Variants in KCNK2 observed in about 807,000 individuals in gnomAD.
KCNK2 encodes potassium two pore domain channel subfamily K member 2.
Under a neutral mutation model 40.5 loss-of-function variants are expected in KCNK2, and 21 were observed. The observed-to-expected ratio is 0.52, with a 90% CI of 0.37 to 0.75. The LOEUF is 0.75. Ranked by LOEUF, KCNK2 falls within the 30% of genes least tolerant of loss-of-function variation. The probability of loss-of-function intolerance (pLI) is 0.00; values close to 1 mark genes in which losing one functional copy is unlikely to be tolerated. For missense variants in KCNK2, 399 were observed against 531.6 expected, an observed-to-expected ratio of 0.75 and a Z score of 2.45; for synonymous variants, 191 against 202.2, an observed-to-expected ratio of 0.94 and a Z score of 0.47.
At chr1:215,018,917 C>T (rs1046508877) in intron 1 of KCNK2, among the ~76,000 whole-genome samples, 1 of 151,986 alleles carries the variant, frequency 6.6e-6, no homozygotes, top group Non-Finnish European at 1.5e-5. Context: ...GAGCTCAGGG[C>T]CACTGCAGGT....
chr1:215,166,567 G>T (rs10779650), intron 3 of KCNK2, among the ~76,000 whole-genome samples: 1 of 151,784 alleles, frequency 6.6e-6, no homozygotes, highest in African/African-American at 2.4e-5. Context: ...AAACAGTAAG[G>T]CAGCTGTACA....
chr1:215,108,270 G>C (rs1236180623), intron 2 of KCNK2, among the ~76,000 whole-genome samples: 1 of 152,088 alleles, frequency 6.6e-6, no homozygotes, highest in African/African-American at 2.4e-5. Context: ...GGGGACCCCT[G>C]TTATAAGTAA....
chr1:215,222,029 A>G (rs1187891777), intron 6 of KCNK2, among the ~76,000 whole-genome samples: 1 of 152,144 alleles, frequency 6.6e-6, no homozygotes, highest in East Asian at 1.9e-4. Context: ...TCACATGGCA[A>G]AAGCAGGAGC....
At position 215,124,680 on chromosome 1, in the gene KCNK2, C is replaced by G. The variant is rs779188699; in HGVS notation, c.405C>G (p.Thr135=). The change falls in exon 3 of 7, where the codon ACC becomes ACG. Residue 135 remains threonine, a synonymous_variant. Coordinates refer to ENST00000444842, the MANE Select transcript of KCNK2 (RefSeq NM_001017425.3). ...INAGIIPLGN[T]SNQISHWDLG... ...CAGGGATTATACCGTTAGGAAACACCTCCAATCAAATCAGTCACTGGGATT... is the reference window on the plus strand; with the variant it reads ...CAGGGATTATACCGTTAGGAAACACGTCCAATCAAATCAGTCACTGGGATT... 2 of 1,613,058 alleles carry G rather than the reference C, an allele frequency of 1.2e-6. No homozygotes were observed. The highest frequency in any genetic ancestry group is 1.7e-6 in the Non-Finnish European group (2 of 1,179,262).
In KCNK2 at chr1:215,230,542, TAC is replaced by T. The variant is rs1400355059; in HGVS notation, c.964-4278_964-4277del. ...ATATATATATATATATGTATATATA[TAC>T]ACACACATAACAGCCATATATATAT... is the stretch of plus-strand genomic sequence containing the variant. On this transcript the variant is annotated intron_variant, in intron 6 of 6. Transcript: ENST00000444842. Among the ~76,000 whole-genome samples, 115 of 87,422 alleles carry T rather than the reference TAC, an allele frequency of 1.3e-3. 1 individual carries two copies. Among genetic ancestry groups the T allele is most frequent in the African/African-American group, 5.5e-3 (111 of 20,344 alleles). 57.4% of individuals were successfully genotyped at this position (87,422 alleles called of 152,430 possible). A position where few individuals can be genotyped will look rare whatever the true frequency, so the allele number is the denominator to read the frequency against.
chr1:215,027,505 G>T (rs565046611), intron 1 of KCNK2, among the ~76,000 whole-genome samples: 1 of 152,176 alleles, frequency 6.6e-6, no homozygotes, highest in South Asian at 2.1e-4. Context: ...GAGATATTCT[G>T]GAATTTGCTG....
chr1:215,055,508 C>A (rs1658128013), intron 1 of KCNK2, among the ~76,000 whole-genome samples: 1 of 152,160 alleles, frequency 6.6e-6, no homozygotes, highest in African/African-American at 2.4e-5. Flanking sequence ...AGGAAAGGAA[C>A]CTGCTTTTCT....
rs1282838313 is a variant in KCNK2 at position 215,083,531 on chromosome 1, C to T, written c.46+100C>T. 11 of 876,178 alleles carry T rather than the reference C, an allele frequency of 1.3e-5. No homozygotes were observed. The African/African-American group carries it at 1.7e-4, about 13-fold the overall frequency. The allele number at this position is 876,178 out of a possible 1,614,324, so 54.3% of individuals were successfully genotyped here. A position where few individuals can be genotyped will look rare whatever the true frequency, so the allele number is the denominator to read the frequency against. On this transcript the variant is annotated intron_variant, in intron 1 of 6. Coordinates refer to ENST00000444842, the MANE Select transcript of KCNK2 (RefSeq NM_001017425.3). Reference sequence around the variant, plus strand: ...CAAATGCCCCCTCTCAGCAAGCGGCCGTTTCCCATCTTCGCTTCGCGTCCA... The same window carrying T: ...CAAATGCCCCCTCTCAGCAAGCGGCTGTTTCCCATCTTCGCTTCGCGTCCA...
intron 6 of KCNK2, among the ~76,000 whole-genome samples, chr1:215,234,406 C>T (rs536273251): frequency 6.6e-6 from 1 of 152,266 alleles, no homozygotes; most frequent in Admixed American, 6.5e-5. Context: ...CTCTTTTATT[C>T]TGCCTTGCTT....
intron 6 of KCNK2, among the ~76,000 whole-genome samples, chr1:215,227,729 A>G (rs1345724453): frequency 1.3e-5 from 2 of 152,156 alleles, no homozygotes; most frequent in African/African-American, 4.8e-5. Flanking sequence ...AATACACATG[A>G]GACAAAATGG....
chr1:215,126,559 A>G (rs1558103189), intron 3 of KCNK2, among the ~76,000 whole-genome samples: 1 of 152,148 alleles, frequency 6.6e-6, no homozygotes, highest in African/African-American at 2.4e-5. Flanking sequence ...CTAAGTTATA[A>G]CTCATCATGA....
chr1:215,116,069 A>G (rs1660925557), intron 2 of KCNK2, among the ~76,000 whole-genome samples: 1 of 151,910 alleles, frequency 6.6e-6, no homozygotes, highest in African/African-American at 2.4e-5. Flanking sequence ...CTTCCCTGTA[A>G]CAAGTCAGCT....
rs771290454 is a variant in KCNK2, at chr1:215,195,004, G to A, written c.875G>A (p.Trp292Ter). 1 of 1,613,508 alleles carries A rather than the reference G, an allele frequency of 6.2e-7. No homozygotes were observed. The highest frequency in any genetic ancestry group is 1.3e-5 in the African/African-American group (1 of 75,006). The change falls in exon 6 of 7, where the codon TGG becomes TAG. Residue 292 changes from tryptophan (W) to a stop codon, truncating the protein, a stop_gained. Transcript: ENST00000444842. LOFTEE classifies it high-confidence loss of function. The part of the protein sequence containing the change: ...LDFYKPVVWF[W>*]ILVGLAYFAA... ...TTCTATAAGCCTGTCGTGTGGTTCT[G>A]GATCCTTGTAGGGCTTGCTTACTTT...
chr1:215,136,313 T>C (rs1052156365), intron 3 of KCNK2, among the ~76,000 whole-genome samples: 14 of 151,556 alleles, frequency 9.2e-5, no homozygotes, highest in Admixed American at 7.2e-4. Context: ...CCCAGGCTTG[T>C]CTCGAACTCC....
chr1:215,203,805 G>A (rs187927176), intron 6 of KCNK2, among the ~76,000 whole-genome samples: 33 of 151,690 alleles, frequency 2.2e-4, no homozygotes, highest in East Asian at 7.7e-4. Context: ...TTGGGAGGCC[G>A]AGATGGGCAG....
At chr1:215,083,661 T>G in intron 1 of KCNK2, 1 of 600,064 alleles carries the variant, frequency 1.7e-6, no homozygotes, top group Middle Eastern at 4.4e-4. Flanking sequence ...TGCATCTGCC[T>G]GAGGTATGGG....
intron 2 of KCNK2, among the ~76,000 whole-genome samples, chr1:215,091,616 C>A (rs1659697001): frequency 6.6e-6 from 1 of 152,088 alleles, no homozygotes; most frequent in Non-Finnish European, 1.5e-5. Context: ...AAAATTTGTA[C>A]CATCCGTGAG....
At chr1:215,165,690 A>G (rs1327857610) in intron 3 of KCNK2, among the ~76,000 whole-genome samples, 1 of 152,166 alleles carries the variant, frequency 6.6e-6, no homozygotes, top group East Asian at 1.9e-4. Flanking sequence ...TTAACAGATG[A>G]GGAAATAATT....
intron 1 of KCNK2, among the ~76,000 whole-genome samples, chr1:215,008,297 G>T (rs1021971610): frequency 1.3e-5 from 2 of 151,968 alleles, no homozygotes; most frequent in African/African-American, 4.8e-5. Context: ...AGTTTTTATG[G>T]CATGCTATAT....
Sources: allele counts gnomAD v4.1 joint callset (sites outside exome capture counted in the v4.1 genomes callset), GRCh38; gene constraint gnomAD v4.1.1; transcripts MANE v1.5; gene names NCBI Gene and HGNC (gene_info 2026-07-23, HGNC 2026-07-21).